CSNK1D: variants seen among roughly 807,000 people sequenced by gnomAD.
The protein encoded by CSNK1D is casein kinase 1 delta.
CSNK1D carries 16 observed loss-of-function variants against 46.6 expected under a neutral mutation model. That is an observed-to-expected ratio of 0.34 (90% CI 0.23 to 0.52). The LOEUF (loss-of-function observed/expected upper bound fraction) is 0.52. CSNK1D is among the 20% of genes least tolerant of loss of function. The pLI is 0.95. For synonymous variants in CSNK1D, 276 were observed against 228.2 expected, an observed-to-expected ratio of 1.21 and a Z score of -1.89; for missense variants, 398 against 578.4, an observed-to-expected ratio of 0.69 and a Z score of 3.20.
chr17:82,248,055 C>T lies in CSNK1D; in HGVS notation c.1197+820G>A, dbSNP rs908375857. 10 of 985,366 alleles carry T rather than the reference C, an allele frequency of 1.0e-5. No homozygotes were observed. The African/African-American group carries it at 1.6e-4, about 15-fold the overall frequency. 61.0% of individuals were successfully genotyped at this position (985,366 alleles called of 1,614,324 possible). ...TCCCCACAAGCCCAGAGCCAGGCTC[C>T]AGGGCATTTCTGAACTGAGTTCCTG... On this transcript the variant is annotated intron_variant, in intron 8 of 8. Coordinates refer to ENST00000314028, the MANE Select transcript of CSNK1D (RefSeq NM_001893.6). This position sits in a 1 kb window ranked among gnomAD's most constrained non-coding sequence, Gnocchi z 4.1.
rs1044820210 is a variant in CSNK1D at position 82,247,123 on chromosome 17, G to A, written c.1197+1752C>T. On this transcript the variant is annotated intron_variant, in intron 8 of 8. Transcript: ENST00000314028. Reference sequence around the variant, plus strand: ...GGGTGTCCAGGAGCAGAGGCCAAGAGGCTTCTTTTGGAGAGAACACACCCC... The same window carrying A: ...GGGTGTCCAGGAGCAGAGGCCAAGAAGCTTCTTTTGGAGAGAACACACCCC... 45 of 985,470 alleles carry A rather than the reference G, an allele frequency of 4.6e-5. No homozygotes were observed. In the African/African-American group the frequency reaches 7.5e-4, roughly 16 times the overall value. 61.0% of individuals were successfully genotyped at this position (985,470 alleles called of 1,614,324 possible).
chr17:82,271,110 C>G (rs2051611540), intron 1 of CSNK1D, among the ~76,000 whole-genome samples: 1 of 152,196 alleles, frequency 6.6e-6, no homozygotes, highest in South Asian at 2.1e-4. Context: ...GAGTCTCACT[C>G]CATCGCCCAG....
chr17:82,240,846 G>A (rs1370179320), downstream of CSNK1D, among the ~76,000 whole-genome samples: 1 of 152,148 alleles, frequency 6.6e-6, no homozygotes, highest in Non-Finnish European at 1.5e-5. Context: ...AGTGGGCGCT[G>A]AGTTCTACTA....
chr17:82,245,949 C>T (rs2050840001), intron 8 of CSNK1D: 3 of 1,584,870 alleles, frequency 1.9e-6, no homozygotes, highest in East Asian at 4.7e-5. Context: ...GGCGCTGCTG[C>T]CTGGCGCCCG....
downstream of CSNK1D, chr17:82,240,000 G>C (rs531221899): frequency 4.1e-6 from 5 of 1,233,740 alleles, no homozygotes; most frequent in African/African-American, 6.2e-5. Flanking sequence ...GTGGGCGCTG[G>C]GGACGGCAGC....
chr17:82,243,740 G>C lies in CSNK1D; in HGVS notation c.*1041C>G. The stretch of plus-strand genomic sequence containing the variant: ...GGTTTTAAGCACAGGCATTCATACA[G>C]ACGGAGTGCCAATCCGCACAGGAGC... On this transcript the variant is annotated 3_prime_UTR_variant, in exon 9 of 9. Coordinates refer to ENST00000314028, the MANE Select transcript of CSNK1D (RefSeq NM_001893.6). 1.0e-6 allele frequency: 1 copy of C among 985,486 alleles called. No individual in the cohort carries two copies. The highest frequency in any genetic ancestry group is 1.2e-6 in the Non-Finnish European group (1 of 829,966). 61.0% of individuals were successfully genotyped at this position (985,486 alleles called of 1,614,324 possible).
chr17:82,273,528 G>A lies in CSNK1D; in HGVS notation c.-147C>T. On this transcript the variant is annotated 5_prime_UTR_variant, in exon 1 of 9. Coordinates refer to ENST00000314028, the MANE Select transcript of CSNK1D (RefSeq NM_001893.6). This position sits in a 1 kb window ranked among gnomAD's most constrained non-coding sequence, Gnocchi z 5.1. ...CCGCTTTCACCATCGCTTTCCTGTC[G>A]CCCCGCCGCTCCCAGCGCCTCAATA... The A allele has an allele frequency of 1.0e-6, 1 of 969,728 alleles. No individual in the cohort carries two copies. Among genetic ancestry groups the A allele is most frequent in the Non-Finnish European group, 1.5e-6 (1 of 653,770 alleles). The allele number at this position is 969,728 out of a possible 1,614,324, so 60.1% of individuals were successfully genotyped here. A position where few individuals can be genotyped will look rare whatever the true frequency, so the allele number is the denominator to read the frequency against.
rs188666055 is a variant in CSNK1D at position 82,254,215 on chromosome 17, G to A, written c.337-971C>T. ...CGGAGCCTTGTGAAGCCAGTGAGCTGAGCCGCCGGAGCCTCGAGAAGCCAG... is the reference window on the plus strand; with the variant it reads ...CGGAGCCTTGTGAAGCCAGTGAGCTAAGCCGCCGGAGCCTCGAGAAGCCAG... On this transcript the variant is annotated intron_variant, in intron 3 of 8. Transcript: ENST00000314028. 2.5e-3 allele frequency: 716 copies of A among 291,216 alleles called. 15 individuals are homozygous for A. The highest frequency in any genetic ancestry group is 0.019 in the African/African-American group (644 of 34,592). The allele number at this position is 291,216 out of a possible 1,614,324, so 18.0% of individuals were successfully genotyped here. A position where few individuals can be genotyped will look rare whatever the true frequency, so the allele number is the denominator to read the frequency against.
Position 82,244,107 on chromosome 17 carries a change from A to C in CSNK1D, c.*674T>G. 4.0e-6 allele frequency: 4 copies of C among 990,382 alleles called. No individual in the cohort carries two copies. The highest frequency in any genetic ancestry group is 4.8e-6 in the Non-Finnish European group (4 of 832,746). 61.3% of individuals were successfully genotyped at this position (990,382 alleles called of 1,614,324 possible). A position where few individuals can be genotyped will look rare whatever the true frequency, so the allele number is the denominator to read the frequency against. On this transcript the variant is annotated 3_prime_UTR_variant, in exon 9 of 9. Transcript: ENST00000314028. ...GGGAGGAGGGAGGGTGAGACGCCAA[A>C]ATCAGGTTGAAGAGGTCCCACCACA... is the stretch of plus-strand genomic sequence containing the variant.
chr17:82,251,538 A>G lies in CSNK1D; in HGVS notation c.737-11T>C, dbSNP rs764119628. On this transcript the variant is annotated splice_polypyrimidine_tract_variant and intron_variant, in intron 5 of 8. Coordinates refer to ENST00000314028, the MANE Select transcript of CSNK1D (RefSeq NM_001893.6). This position sits in a 1 kb window ranked among gnomAD's most constrained non-coding sequence, Gnocchi z 4.5. Reference sequence around the variant, plus strand: ...ATGTGGCAAATTCGGCTACAAAACAAGAAACTCAAAGCTAACTCATGAAAC... The same window carrying G: ...ATGTGGCAAATTCGGCTACAAAACAGGAAACTCAAAGCTAACTCATGAAAC... The G allele has an allele frequency of 6.2e-7, 1 of 1,613,888 alleles. No individual in the cohort carries two copies. The highest frequency in any genetic ancestry group is 2.2e-5 in the East Asian group (1 of 44,890).
chr17:82,253,142 T>G lies in CSNK1D; in HGVS notation c.439A>C (p.Ile147Leu). Residue 147 changes from isoleucine (I) to leucine (L), a missense_variant, in exon 4 of 9, where the codon ATC (isoleucine) becomes CTC (leucine). Coordinates refer to ENST00000314028, the MANE Select transcript of CSNK1D (RefSeq NM_001893.6). ...TTCTTGGCCAGCCCGAAGTCGATGA[T>G]GTACACCAGGTTGCCCTTCTTCCCC... is the stretch of plus-strand genomic sequence containing the variant. ...GLGKKGNLVYIIDFGLAKKYR... is the reference protein window; with the variant it reads ...GLGKKGNLVYLIDFGLAKKYR... 2 of 1,614,212 alleles carry G rather than the reference T, an allele frequency of 1.2e-6. No individual in the cohort carries two copies. Among genetic ancestry groups the G allele is most frequent in the Non-Finnish European group, 1.7e-6 (2 of 1,180,036 alleles).
intron 2 of CSNK1D, among the ~76,000 whole-genome samples, chr17:82,263,346 T>C (rs1336250751): frequency 6.6e-6 from 1 of 152,210 alleles, no homozygotes; most frequent in Non-Finnish European, 1.5e-5. Flanking sequence ...TCTGAAATCC[T>C]ATTTGGTTTC....
intron 1 of CSNK1D, among the ~76,000 whole-genome samples, chr17:82,272,542 G>A (rs2051655984): frequency 1.3e-5 from 2 of 152,138 alleles, no homozygotes; most frequent in Non-Finnish European, 2.9e-5. Context: ...CTCTCATCTT[G>A]CCAGCATCTT....
intron 8 of CSNK1D, chr17:82,246,309 A>G: frequency 2.9e-6 from 4 of 1,357,502 alleles, no homozygotes; most frequent in Non-Finnish European, 3.8e-6. Flanking sequence ...CTCAAGCACT[A>G]AGAAAACCTG....
At chr17:82,241,195 C>T (rs1056125469), downstream of CSNK1D, among the ~76,000 whole-genome samples, 2 of 152,192 alleles carry the variant, frequency 1.3e-5, no homozygotes, top group Admixed American at 1.3e-4. Flanking sequence ...GAGGTGTCCG[C>T]CCGGCCTGGG....
downstream of CSNK1D, chr17:82,239,642 C>T (rs1446679446): frequency 2.9e-5 from 8 of 279,056 alleles, no homozygotes; most frequent in South Asian, 3.3e-4. Flanking sequence ...GAGGGGGCTG[C>T]GGGGCAGGTG....
At position 82,270,343 on chromosome 17, in the gene CSNK1D, C is replaced by G. The variant is rs4072505; in HGVS notation, c.76+2963G>C. Among the ~76,000 whole-genome samples the G allele has an allele frequency of 1.6e-4, 24 of 152,308 alleles. No homozygotes were observed. The South Asian group carries it at 2.3e-3, about 14-fold the overall frequency. ...ACTCCACTGAAGCACAGCCTTCCCC[C>G]CTTCCTGGTCTCAAACATCTGAAAG... On this transcript the variant is annotated intron_variant, in intron 1 of 8. Transcript: ENST00000314028.
In CSNK1D at chr17:82,250,161, T is replaced by C; in HGVS notation, c.886-559A>G. 3 of 1,289,986 alleles carry C rather than the reference T, an allele frequency of 2.3e-6. No individual in the cohort carries two copies. The highest frequency in any genetic ancestry group is 3.0e-6 in the Non-Finnish European group (3 of 989,030). 79.9% of individuals were successfully genotyped at this position (1,289,986 alleles called of 1,614,324 possible). Reference sequence around the variant, plus strand: ...ATGCACGGGGGTGGGGAGGTCAGATTTTAAGCCGAGACAGCAACCTATGAA... The same window carrying C: ...ATGCACGGGGGTGGGGAGGTCAGATCTTAAGCCGAGACAGCAACCTATGAA... On this transcript the variant is annotated intron_variant, in intron 6 of 8. Transcript: ENST00000314028. The surrounding 1 kb of genome is among the most constrained non-coding windows in gnomAD (Gnocchi z 4.6).
Position 82,244,360 on chromosome 17 carries a change from GAT to G in CSNK1D, c.*419_*420del. The G allele has an allele frequency of 9.0e-7, 1 of 1,106,316 alleles. No individual in the cohort carries two copies. The highest frequency in any genetic ancestry group is 1.1e-6 in the Non-Finnish European group (1 of 899,962). The allele number at this position is 1,106,316 out of a possible 1,614,324, so 68.5% of individuals were successfully genotyped here. Reference sequence around the variant, plus strand: ...ACAGACAAGAAACAATAAAAAGACAGATTTTCTTTACACAGATTTAAGCCAAT... The same window carrying G: ...ACAGACAAGAAACAATAAAAAGACAGTTTCTTTACACAGATTTAAGCCAAT... On this transcript the variant is annotated 3_prime_UTR_variant, in exon 9 of 9. Coordinates refer to ENST00000314028, the MANE Select transcript of CSNK1D (RefSeq NM_001893.6).
Sources: gnomAD v4.1 joint callset for allele counts (sites outside exome capture counted in the v4.1 genomes callset) on GRCh38, gnomAD v4.1.1 for gene constraint, Gnocchi (gnomAD v3.1) non-coding constraint, MANE v1.5 for transcripts, NCBI Gene and HGNC (gene_info 2026-07-23, HGNC 2026-07-21) for gene names.